Variants in TWF2 observed in about 807,000 individuals in gnomAD.
TWF2 encodes the protein twinfilin-2.
Under a neutral mutation model 45.1 loss-of-function variants are expected in TWF2, and 15 were observed. That is an observed-to-expected ratio of 0.33 (90% CI 0.22 to 0.51). The LOEUF is 0.51. Among genes scored for constraint, TWF2 ranks in the 20% least tolerant of loss-of-function variants. TWF2 has a pLI of 0.97. For missense variants in TWF2, 423 were observed against 469.1 expected (o/e 0.90, Z 0.91); for synonymous variants, 177 against 195.8 (o/e 0.90, Z 0.80).
intron 2 of TWF2, among the ~76,000 whole-genome samples, chr3:52,234,502 C>T (rs1160985920): frequency 1.3e-5 from 2 of 152,232 alleles, no homozygotes; most frequent in South Asian, 2.1e-4. Context: ...GGCCAAAGCC[C>T]AGCCAAGCCT....
chr3:52,229,132 C>A lies in TWF2; in HGVS notation c.952G>T (p.Ala318Ser), dbSNP rs199609796. Reference protein sequence around the residue: ...LYDEVHPKQHAFKQAFAKPKG... With the variant: ...LYDEVHPKQHSFKQAFAKPKG... The stretch of plus-strand genomic sequence containing the variant: ...GGCTTGGCGAAGGCCTGCTTGAAGG[C>A]GTGTTGCTTGGGGTGCACCTCGTCG... The change falls in exon 9 of 9, where the codon GCC becomes TCC. Residue 318 changes from alanine to serine, a missense_variant. By Grantham distance (99) the Ala-to-Ser change is moderately conservative. Transcript: ENST00000305533. The A allele has an allele frequency of 6.2e-7, 1 of 1,613,538 alleles. No homozygotes were observed. Among genetic ancestry groups the A allele is most frequent in the Admixed American group, 1.7e-5 (1 of 60,010 alleles).
At chr3:52,235,423 C>T (rs150110155) in intron 1 of TWF2, among the ~76,000 whole-genome samples, 5 of 152,330 alleles carry the variant, frequency 3.3e-5, no homozygotes, top group African/African-American at 1.2e-4. Context: ...TCCATCTGCC[C>T]CCTGCCCCGC....
At chr3:52,231,560 C>T (rs1241047890) in intron 3 of TWF2, 21 bp from the exon 4 acceptor site, 10 of 1,605,674 alleles carry the variant, frequency 6.2e-6, no homozygotes, top group African/African-American at 1.3e-5. Context: ...AGGGCCAAAC[C>T]GTAAGAGGCC....
At chr3:52,237,334 A>G (rs1699736794) in intron 1 of TWF2, among the ~76,000 whole-genome samples, 2 of 152,208 alleles carry the variant, frequency 1.3e-5, no homozygotes, top group African/African-American at 2.4e-5. Flanking sequence ...TGAGCCTCAC[A>G]TTACAGGTCC....
At position 52,228,913 on chromosome 3, in the gene TWF2, A is replaced by G; in HGVS notation, c.*121T>C. The G allele has an allele frequency of 6.9e-7, 1 of 1,448,012 alleles. No homozygotes were observed. Among genetic ancestry groups the G allele is most frequent in the Non-Finnish European group, 9.2e-7 (1 of 1,083,964 alleles). 89.7% of individuals were successfully genotyped at this position (1,448,012 alleles called of 1,614,324 possible). On this transcript the variant is annotated 3_prime_UTR_variant, in exon 9 of 9. Transcript: ENST00000305533. ...GCCCTCGGACGCTGCAAGTGCGTTCAGCTGCCAGCCCTCCTGACCTCCCAG... is the reference window on the plus strand; with the variant it reads ...GCCCTCGGACGCTGCAAGTGCGTTCGGCTGCCAGCCCTCCTGACCTCCCAG...
intron 1 of TWF2, 101 bp from the exon 2 acceptor site, chr3:52,235,207 A>T (rs1577987416): frequency 1.6e-6 from 2 of 1,234,846 alleles, no homozygotes; most frequent in East Asian, 5.0e-5. Context: ...TGAGCTGGGA[A>T]CCAGGTTAAA....
intron 1 of TWF2, among the ~76,000 whole-genome samples, chr3:52,237,078 C>T (rs377124802): frequency 1.3e-5 from 2 of 152,304 alleles, no homozygotes; most frequent in South Asian, 4.1e-4. Flanking sequence ...GCTGACTGTG[C>T]TGAGCTGCCC....
chr3:52,231,657 C>A (rs764394819), intron 3 of TWF2, 118 bp from the exon 4 acceptor site: 16 of 1,213,652 alleles, frequency 1.3e-5, no homozygotes, highest in Non-Finnish European at 1.8e-5. Flanking sequence ...TGGCAGAGGG[C>A]CAGCCCGGGG....
chr3:52,231,141 T>C lies in TWF2; in HGVS notation c.469A>G (p.Ile157Val). The C allele has an allele frequency of 6.2e-7, 1 of 1,614,008 alleles. No homozygotes were observed. The highest frequency in any genetic ancestry group is 1.7e-5 in the Admixed American group (1 of 60,006). ...TCCCCACCCACCTCGTTAATGCGGA[T>C]CTGCTGGAGCTCTCTCTCAGCCGAG... ...LTSAERELQQ[I>V]RINEVKTEIS... Residue 157 changes from isoleucine (I) to valine (V), a missense_variant, in exon 5 of 9, where the codon ATC (isoleucine) becomes GTC (valine). Ile to Val is a conservative substitution (Grantham distance 29, BLOSUM62 3). Transcript: ENST00000305533.
At chr3:52,232,440 A>C (rs557192670) in intron 2 of TWF2, among the ~76,000 whole-genome samples, 10 of 152,000 alleles carry the variant, frequency 6.6e-5, no homozygotes, top group African/African-American at 2.4e-4. Flanking sequence ...CCTCACGGAC[A>C]CCACACCCCT....
At chr3:52,229,223 T>C in intron 8 of TWF2, 22 bp from the exon 9 acceptor site, 2 of 1,607,084 alleles carry the variant, frequency 1.2e-6, no homozygotes, top group Non-Finnish European at 1.7e-6. Flanking sequence ...AAGGCAGTGG[T>C]CACCCCAATG....
chr3:52,239,142 G>T lies in TWF2; in HGVS notation c.-126C>A. The T allele has an allele frequency of 1.5e-6, 2 of 1,295,536 alleles. No individual in the cohort carries two copies. The highest frequency in any genetic ancestry group is 2.0e-6 in the Non-Finnish European group (2 of 1,005,888). 80.3% of individuals were successfully genotyped at this position (1,295,536 alleles called of 1,614,324 possible). On this transcript the variant is annotated 5_prime_UTR_variant, in exon 1 of 9. Coordinates refer to ENST00000305533, the MANE Select transcript of TWF2 (RefSeq NM_007284.4). ...TGTCGACCCTCGCGCAGCTTCCCGGGCGGTGCCGCAGGACCCGCCCCCAGC... is the reference window on the plus strand; with the variant it reads ...TGTCGACCCTCGCGCAGCTTCCCGGTCGGTGCCGCAGGACCCGCCCCCAGC...
chr3:52,229,754 C>T lies in TWF2; in HGVS notation c.789G>A (p.Lys263=). Residue 263 remains lysine, a synonymous_variant, in exon 8 of 9, where the codon AAG becomes AAA. Transcript: ENST00000305533. ...AGAGCATTCGCTCCTTGATGCTGCA[C>T]TTGTACCCCGGCATGGAGTAGATGA... ...VVFIYSMPGY[K]CSIKERMLYS... 2 of 1,613,060 alleles carry T rather than the reference C, an allele frequency of 1.2e-6. No individual in the cohort carries two copies. Among genetic ancestry groups the T allele is most frequent in the South Asian group, 1.1e-5 (1 of 91,084 alleles).
intron 1 of TWF2, among the ~76,000 whole-genome samples, chr3:52,237,223 C>T (rs1699735899): frequency 1.3e-5 from 2 of 152,162 alleles, no homozygotes; most frequent in South Asian, 4.1e-4. Flanking sequence ...CCACCCCAGC[C>T]CCAATGCCTG....
At chr3:52,232,406 C>A (rs1339292279) in intron 2 of TWF2, among the ~76,000 whole-genome samples, 2 of 152,098 alleles carry the variant, frequency 1.3e-5, no homozygotes, top group Non-Finnish European at 2.9e-5. Context: ...CAAACAGCCA[C>A]ACAAAGACAC....
intron 3 of TWF2, 82 bp downstream of exon 3, chr3:52,231,862 C>T (rs951141000): frequency 3.9e-6 from 6 of 1,549,358 alleles, no homozygotes; most frequent in Non-Finnish European, 5.2e-6. Context: ...CCTGTGTCCC[C>T]TCTTGGATCC....
chr3:52,229,522 G>C, intron 8 of TWF2, 139 bp downstream of exon 8: 1 of 1,419,680 alleles, frequency 7.0e-7, no homozygotes, highest in East Asian at 2.3e-5. Context: ...CATGCGTGTT[G>C]CTCCTTGGGC....
At position 52,228,950 on chromosome 3, in the gene TWF2, T is replaced by A; in HGVS notation, c.*84A>T. On this transcript the variant is annotated 3_prime_UTR_variant, in exon 9 of 9. Transcript: ENST00000305533. ...TCCTGACCTCCCAGAAACACTTTCC[T>A]GGAGCCCAGGAAGGAGGATGGTGGC... 1 of 1,539,600 alleles carries A rather than the reference T, an allele frequency of 6.5e-7. No individual in the cohort carries two copies. Among genetic ancestry groups the A allele is most frequent in the Non-Finnish European group, 8.8e-7 (1 of 1,141,902 alleles).
chr3:52,234,618 G>A (rs989517975), intron 2 of TWF2, among the ~76,000 whole-genome samples: 1 of 152,176 alleles, frequency 6.6e-6, no homozygotes, highest in African/African-American at 2.4e-5. Context: ...GTCTCCCCTC[G>A]GACAGCAGCT....
Sources: allele counts gnomAD v4.1 joint callset (sites outside exome capture counted in the v4.1 genomes callset), GRCh38; gene constraint gnomAD v4.1.1; transcripts MANE v1.5; gene names NCBI Gene and HGNC (gene_info 2026-07-23, HGNC 2026-07-21).